THUMPD3: variants seen among roughly 807,000 people sequenced by gnomAD.
The protein encoded by THUMPD3 is tRNA (guanine(6)-N(2))-methyltransferase THUMP3.
THUMPD3 carries 44 observed loss-of-function variants against 54.5 expected under a neutral mutation model. That is an observed-to-expected ratio of 0.81 (90% CI 0.63 to 1.04). The LOEUF (loss-of-function observed/expected upper bound fraction) is 1.04, where lower values mean the gene tolerates loss of function less well. THUMPD3 is among the 50% of genes least tolerant of loss of function. THUMPD3 has a pLI of 0.00. For missense variants in THUMPD3, 604 were observed against 601.3 expected (o/e 1.00, Z -0.05); for synonymous variants, 196 against 201.4 (o/e 0.97, Z 0.23).
At position 9,385,449 on chromosome 3, in the gene THUMPD3, A is replaced by G. The variant is rs193122029; in HGVS notation, c.*761A>G. ...CCTCAACCTGAAGGAATGAAGCATT[A>G]TTACATTTTGTGAATGGTGTTCAGC... On this transcript the variant is annotated 3_prime_UTR_variant, in exon 10 of 10. Coordinates refer to ENST00000452837, the MANE Select transcript of THUMPD3 (RefSeq NM_001114092.2). 6.6e-6 allele frequency: 1 copy of G among 152,354 alleles called. No homozygotes were observed. Among genetic ancestry groups the G allele is most frequent in the African/African-American group, 2.4e-5 (1 of 41,588 alleles). 9.4% of individuals were successfully genotyped at this position (152,354 alleles called of 1,614,324 possible). A position where few individuals can be genotyped will look rare whatever the true frequency, so the allele number is the denominator to read the frequency against.
Position 9,366,947 on chromosome 3 carries a change from G to T in THUMPD3, c.292G>T (p.Val98Phe). The change falls in exon 3 of 10, where the codon GTT becomes TTT. Residue 98 changes from valine to phenylalanine, a missense_variant. By Grantham distance (50) the Val-to-Phe change is conservative. Transcript: ENST00000452837. Reference protein sequence around the residue: ...LRSVDNLFVVVQEFQDYQFKQ... With the variant: ...LRSVDNLFVVFQEFQDYQFKQ... The stretch of plus-strand genomic sequence containing the variant: ...ATCAGTTGATAACTTATTTGTGGTG[G>T]TTCAGGAGTTTCAAGATTACCAGTT... 1 of 1,613,448 alleles carries T rather than the reference G, an allele frequency of 6.2e-7. No homozygotes were observed. The highest frequency in any genetic ancestry group is 8.5e-7 in the Non-Finnish European group (1 of 1,179,836).
At chr3:9,374,718 T>G (rs2032327310) in intron 5 of THUMPD3, 72 bp downstream of exon 5, 1 of 1,521,844 alleles carries the variant, frequency 6.6e-7, no homozygotes, top group Middle Eastern at 1.7e-4. Flanking sequence ...AATACTGATT[T>G]GTGTGTATGT....
intron 4 of THUMPD3, among the ~76,000 whole-genome samples, chr3:9,371,984 C>T (rs1559303686): frequency 6.6e-6 from 1 of 152,142 alleles, no homozygotes; most frequent in Non-Finnish European, 1.5e-5. Context: ...TCAAGTGATT[C>T]TTGTGCTCAG....
chr3:9,364,775 T>C (rs185653676), intron 1 of THUMPD3, among the ~76,000 whole-genome samples: 8 of 152,266 alleles, frequency 5.3e-5, no homozygotes, highest in African/African-American at 1.9e-4. Context: ...AAGCAAACAT[T>C]GCATGCTATG....
chr3:9,363,512 C>G (rs565832120), intron 1 of THUMPD3: 3 of 152,066 alleles, frequency 2.0e-5, no homozygotes, highest in Non-Finnish European at 4.4e-5. Flanking sequence ...TGGCACAGCA[C>G]AAGGACATTA....
At chr3:9,372,444 A>G (rs1467594125) in intron 4 of THUMPD3, among the ~76,000 whole-genome samples, 5 of 151,928 alleles carry the variant, frequency 3.3e-5, no homozygotes, top group Non-Finnish European at 7.4e-5. Flanking sequence ...GCCCGTCATG[A>G]TGGCACACTC....
At position 9,371,378 on chromosome 3, in the gene THUMPD3, AAAG is replaced by A. The variant is rs1428792604; in HGVS notation, c.655_657del (p.Glu219del). The A allele has an allele frequency of 6.2e-7, 1 of 1,614,216 alleles. No individual in the cohort carries two copies. The highest frequency in any genetic ancestry group is 8.5e-7 in the Non-Finnish European group (1 of 1,180,030). ...CAAAGATGAGACTGATGAAAGCTCAAAAGAAGAAACTGAGCCTCAAGTGCTGAA... is the reference window on the plus strand; with the variant it reads ...CAAAGATGAGACTGATGAAAGCTCAAAAGAAACTGAGCCTCAAGTGCTGAA... On this transcript the variant is annotated inframe_deletion, in exon 4 of 10. Coordinates refer to ENST00000452837, the MANE Select transcript of THUMPD3 (RefSeq NM_001114092.2).
rs528687605 is a variant in THUMPD3, at chr3:9,384,415, A to G, written c.1359+80A>G. On this transcript the variant is annotated intron_variant, in intron 9 of 9. Transcript: ENST00000452837. ...GAGATTTGGGGATGTTTGTTTGGAT[A>G]AGATTTGTTTTCTCTTCCCCTGAGG... 1.9e-6 allele frequency: 3 copies of G among 1,596,328 alleles called. No homozygotes were observed. In the South Asian group the frequency reaches 3.4e-5, roughly 18 times the overall value.
chr3:9,369,304 C>T (rs1468310963), intron 3 of THUMPD3, among the ~76,000 whole-genome samples: 5 of 73,606 alleles, frequency 6.8e-5, no homozygotes, highest in Admixed American at 2.1e-4. Context: ...AGCAAGACTC[C>T]GTCTCAAAAA....
rs767046990 is a variant in THUMPD3 at position 9,383,267 on chromosome 3, GC to G, written c.1194del (p.Ser399LeufsTer6). On this transcript the variant is annotated frameshift_variant, in exon 8 of 10. Coordinates refer to ENST00000452837, the MANE Select transcript of THUMPD3 (RefSeq NM_001114092.2). LOFTEE classifies it high-confidence loss of function. ...ATCTGCAATCTGCCATTGAGAACTG[GC>G]TCTGTGGATATTATTGTAACAGATT... ...WDICNLPLRT[G>X]SVDIIVTDLP... The G allele has an allele frequency of 3.1e-6, 5 of 1,613,984 alleles. No homozygotes were observed. The Admixed American group carries it at 6.7e-5, about 22-fold the overall frequency.
Position 9,378,109 on chromosome 3 carries a change from T to C in THUMPD3, c.1008+221T>C, listed in dbSNP as rs77382734. 5.4e-4 allele frequency among the ~76,000 whole-genome samples: 83 copies of C among 152,356 alleles called. 1 individual carries two copies. The East Asian group carries it at 0.014, about 26-fold the overall frequency. On this transcript the variant is annotated intron_variant, in intron 6 of 9. Transcript: ENST00000452837. Reference sequence around the variant, plus strand: ...CTAGATACATTGTTAGTGACATCTATTCACTAGATTACAGAGGAAGCTGAG... The same window carrying C: ...CTAGATACATTGTTAGTGACATCTACTCACTAGATTACAGAGGAAGCTGAG...
intron 6 of THUMPD3, among the ~76,000 whole-genome samples, chr3:9,378,358 T>C (rs1327242940): frequency 6.6e-6 from 1 of 152,244 alleles, no homozygotes; most frequent in East Asian, 1.9e-4. Flanking sequence ...CAAATGCTCT[T>C]AGTTTTCAAA....
At chr3:9,377,682 G>A in intron 5 of THUMPD3, 137 bp from the exon 6 acceptor site, 1 of 633,490 alleles carries the variant, frequency 1.6e-6, no homozygotes, top group Non-Finnish European at 2.7e-6. Flanking sequence ...GCCACAAATT[G>A]ATTTCTAAAA....
intron 6 of THUMPD3, among the ~76,000 whole-genome samples, chr3:9,378,928 G>A (rs1025682945): frequency 6.6e-6 from 1 of 151,866 alleles, no homozygotes; most frequent in African/African-American, 2.4e-5. Flanking sequence ...CGCATGTCAA[G>A]AAATACACAA....
At chr3:9,383,438 G>A in intron 8 of THUMPD3, 129 bp downstream of exon 8, 1 of 624,754 alleles carries the variant, frequency 1.6e-6, no homozygotes, top group Non-Finnish European at 2.9e-6. Flanking sequence ...ACAACATGAT[G>A]GATTCACCCA....
rs768078292 is a variant in THUMPD3 at position 9,371,493 on chromosome 3, A to G, written c.764A>G (p.Asp255Gly). ...AARDFGGAVQ[D>G]YFKWKADMTN... is the part of the protein sequence containing the mutation. ...AGAGATTTTGGGGGTGCTGTTCAAG[A>G]TTATTTTAAGTGGAAGGCCGACATG... is the stretch of plus-strand genomic sequence containing the variant. The change falls in exon 4 of 10, where the codon GAT (aspartate) becomes GGT (glycine). Residue 255 changes from aspartate (D) to glycine (G), a missense_variant. By Grantham distance (94) the Asp-to-Gly change is moderately conservative. Transcript: ENST00000452837. 2.5e-6 allele frequency: 4 copies of G among 1,614,006 alleles called. No individual in the cohort carries two copies. The highest frequency in any genetic ancestry group is 3.4e-6 in the Non-Finnish European group (4 of 1,179,962).
chr3:9,371,020 T>C, intron 3 of THUMPD3, 40 bp from the exon 4 acceptor site: 1 of 1,438,480 alleles, frequency 7.0e-7, no homozygotes, highest in Non-Finnish European at 9.4e-7. Context: ...TTGATTATAG[T>C]GGTGAGAAAT....
chr3:9,371,163 A>G lies in THUMPD3; in HGVS notation c.434A>G (p.Lys145Arg), dbSNP rs765637125. ...GCCAGTTTTAAAAAGAAAAAAGCAA[A>G]GCGCAAAAAGATAAATCAGAATTCA... ...INASFKKKKA[K>R]RKKINQNSSK... is the part of the protein sequence containing the mutation. Residue 145 changes from lysine to arginine, a missense_variant, in exon 4 of 10, where the codon AAG (lysine) becomes AGG (arginine). Coordinates refer to ENST00000452837, the MANE Select transcript of THUMPD3 (RefSeq NM_001114092.2). 13 of 1,611,642 alleles carry G rather than the reference A, an allele frequency of 8.1e-6. No homozygotes were observed. In the South Asian group the frequency reaches 1.4e-4, roughly 18 times the overall value.
chr3:9,379,181 T>G (rs2032689486), intron 6 of THUMPD3, among the ~76,000 whole-genome samples: 1 of 151,390 alleles, frequency 6.6e-6, no homozygotes, highest in Non-Finnish European at 1.5e-5. Flanking sequence ...AAAACCCAAT[T>G]CTTTCCAATG....
Sources: allele counts gnomAD v4.1 joint callset (sites outside exome capture counted in the v4.1 genomes callset), GRCh38; gene constraint gnomAD v4.1.1; transcripts MANE v1.5; gene names NCBI Gene and HGNC (gene_info 2026-07-23, HGNC 2026-07-21).